The following IFT74 variants were observed in gnomAD, a reference collection of about 807,000 sequenced individuals.
IFT74 encodes the protein intraflagellar transport protein 74 homolog.
A neutral mutation model predicts 96.7 loss-of-function variants in IFT74; 92 were observed. The ratio of observed to expected loss-of-function variants is 0.95; its 90% CI spans 0.80 to 1.13. The LOEUF (loss-of-function observed/expected upper bound fraction) is 1.13, where lower values mean the gene tolerates loss of function less well. Among genes scored for constraint, IFT74 ranks in the 50% most tolerant of loss-of-function variants. The pLI is 0.00. For missense variants in IFT74, 811 were observed against 698.2 expected (o/e 1.16, Z -1.82); for synonymous variants, 223 against 213.2 (o/e 1.05, Z -0.40).
At chr9:26,979,063 A>C (rs988891170) in intron 3 of IFT74, among the ~76,000 whole-genome samples, 50 of 152,226 alleles carry the variant, frequency 3.3e-4, no homozygotes, top group Admixed American at 2.5e-3. Context: ...ATCTATCAGG[A>C]ATGAAGATAT....
At chr9:26,990,104 C>T (rs774180764) in intron 7 of IFT74, 30 bp from the exon 8 acceptor site, 1 of 1,401,122 alleles carries the variant, frequency 7.1e-7, no homozygotes, top group South Asian at 1.6e-5. Context: ...ATATTTATTT[C>T]TTACTAACTT....
intron 2 of IFT74, among the ~76,000 whole-genome samples, chr9:26,977,678 G>A (rs926483815): frequency 6.6e-6 from 1 of 151,892 alleles, no homozygotes; most frequent in African/African-American, 2.4e-5. Context: ...TAGTAGTGAT[G>A]GGGTTTTGCC....
At chr9:26,961,891 A>G (rs1020505561) in intron 1 of IFT74, 58 bp from the exon 2 acceptor site, 8 of 1,565,756 alleles carry the variant, frequency 5.1e-6, no homozygotes, top group Non-Finnish European at 7.0e-6. Context: ...ATGATGGGTC[A>G]TTATTGTCTT....
At chr9:27,058,021 ATTG>A (rs1820245182) in intron 18 of IFT74, among the ~76,000 whole-genome samples, 1 of 151,836 alleles carries the variant, frequency 6.6e-6, no homozygotes, top group African/African-American at 2.4e-5. Flanking sequence ...ATACATCCAT[ATTG>A]TTTTTACAAA....
At chr9:26,969,938 C>T (rs10967633) in intron 2 of IFT74, among the ~76,000 whole-genome samples, 15,514 of 151,952 alleles carry the variant, frequency 0.1, 1,818 homozygotes, top group East Asian at 0.65. Flanking sequence ...GTATAAAATT[C>T]GTGGCTGACA....
At chr9:26,962,379 GT>G (rs1431677418) in intron 2 of IFT74, among the ~76,000 whole-genome samples, 1 of 152,224 alleles carries the variant, frequency 6.6e-6, no homozygotes, top group Non-Finnish European at 1.5e-5. Context: ...GTGGAAGAGT[GT>G]TTGAAAGACA....
At chr9:26,974,754 G>A (rs995281549) in intron 2 of IFT74, among the ~76,000 whole-genome samples, 1 of 152,102 alleles carries the variant, frequency 6.6e-6, no homozygotes, top group South Asian at 2.1e-4. Context: ...ACTCGACCCA[G>A]GTATATAATT....
intron 13 of IFT74, among the ~76,000 whole-genome samples, chr9:27,033,326 G>A (rs557732085): frequency 2.0e-5 from 3 of 151,964 alleles, no homozygotes; most frequent in East Asian, 1.9e-4. Flanking sequence ...GGGAGGCTGA[G>A]GGGGGTGGAT....
At chr9:27,051,216 A>G (rs1285405801) in intron 16 of IFT74, among the ~76,000 whole-genome samples, 1 of 152,124 alleles carries the variant, frequency 6.6e-6, no homozygotes, top group Non-Finnish European at 1.5e-5. Context: ...GGGATTATGG[A>G]CCTATAAATG....
At position 27,030,153 on chromosome 9, in the gene IFT74, G is replaced by A. The variant is rs61116564; in HGVS notation, c.1054+1049G>A. The stretch of plus-strand genomic sequence containing the variant: ...ATAGCATTTTAATCATAGTTTAACT[G>A]CAAACCAGTTACTATGCTCTTGGAT... On this transcript the variant is annotated intron_variant, in intron 13 of 19. Coordinates refer to ENST00000380062, the MANE Select transcript of IFT74 (RefSeq NM_025103.4). Among the ~76,000 whole-genome samples the A allele has an allele frequency of 1.5e-3, 230 of 152,206 alleles. 4 individuals are homozygous for A. The East Asian group carries it at 0.042, about 28-fold the overall frequency.
chr9:26,978,592 G>C (rs1827226849), intron 3 of IFT74, among the ~76,000 whole-genome samples: 1 of 152,090 alleles, frequency 6.6e-6, no homozygotes, highest in African/African-American at 2.4e-5. Flanking sequence ...TGGAGCTGTA[G>C]TACAACTTGA....
At position 26,986,323 on chromosome 9, in the gene IFT74, G is replaced by T. The variant is rs931076579; in HGVS notation, c.465+1764G>T. On this transcript the variant is annotated intron_variant, in intron 6 of 19. Transcript: ENST00000380062. ...GGGTTTTGTTTTTTGTTTTTTTGTT[G>T]TTTTTTTTTTTCAAGACAGTCTTGC... 3.7e-4 allele frequency among the ~76,000 whole-genome samples: 52 copies of T among 142,362 alleles called. 1 individual carries two copies. Among genetic ancestry groups the T allele is most frequent in the Admixed American group, 3.3e-3 (47 of 14,228 alleles). The allele number at this position is 142,362 out of a possible 152,430, so 93.4% of individuals were successfully genotyped here. A position where few individuals can be genotyped will look rare whatever the true frequency, so the allele number is the denominator to read the frequency against.
Position 26,984,173 on chromosome 9 carries a change from G to T in IFT74, c.306-84G>T, listed in dbSNP as rs929807330. 4.1e-6 allele frequency: 4 copies of T among 975,352 alleles called. No homozygotes were observed. The African/African-American group carries it at 5.1e-5, about 12-fold the overall frequency. The allele number at this position is 975,352 out of a possible 1,614,324, so 60.4% of individuals were successfully genotyped here. Reference sequence around the variant, plus strand: ...ACAAAACTATTTATATTATTATTACGTATTAATGGAAAGTTTAAATTTTGC... The same window carrying T: ...ACAAAACTATTTATATTATTATTACTTATTAATGGAAAGTTTAAATTTTGC... On this transcript the variant is annotated intron_variant, in intron 4 of 19. Transcript: ENST00000380062.
chr9:27,018,438 C>G (rs1211471456), intron 11 of IFT74, among the ~76,000 whole-genome samples: 1 of 152,122 alleles, frequency 6.6e-6, no homozygotes, highest in Admixed American at 6.6e-5. Context: ...AGTTACTACC[C>G]TTACTTTGAG....
intron 3 of IFT74, 75 bp from the exon 4 acceptor site, chr9:26,980,496 T>G: frequency 1.1e-6 from 1 of 878,884 alleles, no homozygotes; most frequent in Non-Finnish European, 2.0e-6. Flanking sequence ...GGAGTGTAAT[T>G]CTGATTGTGC....
chr9:26,972,651 T>C (rs1019551812), intron 2 of IFT74, among the ~76,000 whole-genome samples: 3 of 152,216 alleles, frequency 2.0e-5, no homozygotes, highest in African/African-American at 7.2e-5. Context: ...ATTTACTTTT[T>C]AGTGAGTATG....
intron 13 of IFT74, among the ~76,000 whole-genome samples, chr9:27,034,514 A>ATTAT (rs1004457442): frequency 1.3e-5 from 2 of 152,036 alleles, no homozygotes; most frequent in African/African-American, 4.8e-5. Context: ...ACTTTTATTT[A>ATTAT]TTATTTATTT....
intron 12 of IFT74, among the ~76,000 whole-genome samples, chr9:27,019,045 C>T (rs1310585521): frequency 6.6e-6 from 1 of 152,080 alleles, no homozygotes; most frequent in East Asian, 1.9e-4. Context: ...TGATATAGCT[C>T]ACTGTAACCT....
intron 8 of IFT74, chr9:26,998,231 C>T: frequency 6.9e-7 from 1 of 1,449,094 alleles, no homozygotes; most frequent in Non-Finnish European, 9.2e-7. Context: ...AGTAAAATTA[C>T]ATTGGACTTC....
Sources: allele counts gnomAD v4.1 joint callset (sites outside exome capture counted in the v4.1 genomes callset), GRCh38; gene constraint gnomAD v4.1.1; transcripts MANE v1.5; gene names NCBI Gene and HGNC (gene_info 2026-07-23, HGNC 2026-07-21).